Variants in SGCZ observed in about 807,000 individuals in gnomAD.
SGCZ encodes zeta-sarcoglycan.
Under a neutral mutation model 41.3 loss-of-function variants are expected in SGCZ, and 40 were observed. That is an observed-to-expected ratio of 0.97 (90% CI 0.75 to 1.26). SGCZ has a LOEUF of 1.26. SGCZ is among the 50% of genes most tolerant of loss of function. SGCZ has a pLI of 0.00. For missense variants in SGCZ, 552 were observed against 369.8 expected, an observed-to-expected ratio of 1.49 and a Z score of -4.04; for synonymous variants, 206 against 137.5, an observed-to-expected ratio of 1.50 and a Z score of -3.49.
At chr8:14,760,635 C>G (rs1045104872) in intron 1 of SGCZ, among the ~76,000 whole-genome samples, 2 of 152,118 alleles carry the variant, frequency 1.3e-5, no homozygotes, top group African/African-American at 4.8e-5. Context: ...AAAAATTTAC[C>G]TCTGCAGCTA....
chr8:14,115,785 G>A (rs972393539), intron 5 of SGCZ, among the ~76,000 whole-genome samples: 6 of 151,692 alleles, frequency 4.0e-5, no homozygotes, highest in Non-Finnish European at 7.4e-5. Context: ...ACCATAAACT[G>A]AGGTTTCTTT....
chr8:14,267,408 G>A (rs1799911135), intron 3 of SGCZ, among the ~76,000 whole-genome samples: 1 of 152,050 alleles, frequency 6.6e-6, no homozygotes, highest in African/African-American at 2.4e-5. Flanking sequence ...CCACTGCTGT[G>A]TATTGTAAGA....
chr8:14,381,959 A>C (rs773789457), intron 2 of SGCZ, among the ~76,000 whole-genome samples: 3 of 152,008 alleles, frequency 2.0e-5, no homozygotes, highest in African/African-American at 4.8e-5. Flanking sequence ...GCTTATGAGG[A>C]GATTAGTTCC....
chr8:15,100,308 C>T lies in SGCZ; in HGVS notation c.39+137277G>A, dbSNP rs537324362. Among the ~76,000 whole-genome samples, 132 of 151,898 alleles carry T rather than the reference C, an allele frequency of 8.7e-4. 1 individual carries two copies. In the South Asian group the frequency reaches 0.026, roughly 30 times the overall value. ...TCCATTTATTTTTTATATTTCAGCA[C>T]CAAAAAAATGTAATTTGAAATTAAA... On this transcript the variant is annotated intron_variant, in intron 1 of 7. Coordinates refer to ENST00000382080, the MANE Select transcript of SGCZ (RefSeq NM_139167.4).
At chr8:14,428,609 C>G (rs910332589) in intron 2 of SGCZ, among the ~76,000 whole-genome samples, 1 of 152,072 alleles carries the variant, frequency 6.6e-6, no homozygotes, top group South Asian at 2.1e-4. Flanking sequence ...TTACTTTGAA[C>G]TTTAGAAAAT....
intron 1 of SGCZ, among the ~76,000 whole-genome samples, chr8:14,723,571 T>C (rs1809958325): frequency 6.6e-6 from 1 of 152,086 alleles, no homozygotes; most frequent in South Asian, 2.1e-4. Context: ...CCTCTCCCAT[T>C]GAGAGGCTCT....
At chr8:14,256,250 C>T (rs1024750117) in intron 3 of SGCZ, among the ~76,000 whole-genome samples, 2 of 152,056 alleles carry the variant, frequency 1.3e-5, no homozygotes, top group Non-Finnish European at 2.9e-5. Flanking sequence ...TCCATATAGC[C>T]ATCCTAAGAA....
intron 3 of SGCZ, 26 bp downstream of exon 3, chr8:14,324,077 A>G: frequency 6.7e-7 from 1 of 1,497,630 alleles, no homozygotes; most frequent in Non-Finnish European, 9.3e-7. Context: ...TATCTTTTAG[A>G]GTAAGCCAAA....
chr8:14,838,091 A>G (rs1330769226), intron 1 of SGCZ, among the ~76,000 whole-genome samples: 1 of 152,220 alleles, frequency 6.6e-6, no homozygotes, highest in Non-Finnish European at 1.5e-5. Context: ...ATCCAGGCAC[A>G]GAAAGTTAAA....
At chr8:14,899,953 C>T (rs570028850) in intron 1 of SGCZ, among the ~76,000 whole-genome samples, 1 of 152,184 alleles carries the variant, frequency 6.6e-6, no homozygotes, top group East Asian at 1.9e-4. Flanking sequence ...GTAGTTCTAG[C>T]AGAGGGTACC....
chr8:14,238,945 A>T (rs1392186684), intron 3 of SGCZ, among the ~76,000 whole-genome samples: 1 of 151,918 alleles, frequency 6.6e-6, no homozygotes, highest in Non-Finnish European at 1.5e-5. Flanking sequence ...TAGGATTTGG[A>T]ATTGGTGATT....
intron 1 of SGCZ, among the ~76,000 whole-genome samples, chr8:15,212,239 T>A (rs1250753676): frequency 1.3e-5 from 2 of 152,142 alleles, no homozygotes; most frequent in Non-Finnish European, 2.9e-5. Context: ...CTTATAATGA[T>A]TTAGCTACTC....
In SGCZ at chr8:15,238,037, C is replaced by G. The variant is rs1802198156; in HGVS notation, c.-414G>C. On this transcript the variant is annotated 5_prime_UTR_variant, in exon 1 of 8. Transcript: ENST00000382080. ...TCAGCATCATGCGGCAAATTTCAAG[C>G]AAATGTGTTCAAACTGAAGAGAAGA... is the stretch of plus-strand genomic sequence containing the variant. The G allele has an allele frequency of 6.0e-6, 1 of 165,844 alleles. No individual in the cohort carries two copies. The highest frequency in any genetic ancestry group is 1.6e-4 in the East Asian group (1 of 6,138). The allele number at this position is 165,844 out of a possible 1,614,324, so 10.3% of individuals were successfully genotyped here.
chr8:15,154,578 T>G (rs1344690133), intron 1 of SGCZ, among the ~76,000 whole-genome samples: 1 of 152,196 alleles, frequency 6.6e-6, no homozygotes, highest in African/African-American at 2.4e-5. Context: ...CAATATATCA[T>G]AGAGGCAGAA....
intron 4 of SGCZ, among the ~76,000 whole-genome samples, chr8:14,195,898 G>A (rs1805252371): frequency 6.6e-6 from 1 of 152,120 alleles, no homozygotes; most frequent in Admixed American, 6.6e-5. Flanking sequence ...TATCGGGAAT[G>A]TTAAAGGAAG....
At chr8:14,520,512 T>G (rs1585625763) in intron 2 of SGCZ, among the ~76,000 whole-genome samples, 1 of 152,196 alleles carries the variant, frequency 6.6e-6, no homozygotes, top group Admixed American at 6.6e-5. Flanking sequence ...TATTTTAAAA[T>G]GTAACAATTC....
At chr8:14,855,714 C>T (rs1197459245) in intron 1 of SGCZ, among the ~76,000 whole-genome samples, 2 of 152,148 alleles carry the variant, frequency 1.3e-5, no homozygotes, top group Non-Finnish European at 2.9e-5. Context: ...AGGAATTTTT[C>T]CCAGAAATAC....
intron 1 of SGCZ, among the ~76,000 whole-genome samples, chr8:14,571,535 A>G (rs1356595629): frequency 6.6e-6 from 1 of 152,150 alleles, no homozygotes; most frequent in Non-Finnish European, 1.5e-5. Context: ...AACTTTTTCC[A>G]AAGCTTGATT....
At chr8:14,146,871 C>CA (rs66592259) in intron 5 of SGCZ, among the ~76,000 whole-genome samples, 4,259 of 74,732 alleles carry the variant, frequency 0.057, 478 homozygotes, top group African/African-American at 0.18. Flanking sequence ...GACTCCGTCT[C>CA]AAAAAATAAA....
Sources: gnomAD v4.1 joint callset for allele counts (sites outside exome capture counted in the v4.1 genomes callset) on GRCh38, gnomAD v4.1.1 for gene constraint, MANE v1.5 for transcripts, NCBI Gene and HGNC (gene_info 2026-07-23, HGNC 2026-07-21) for gene names.